Variants in TBXAS1 observed in about 807,000 individuals in gnomAD.
TBXAS1 encodes thromboxane-A synthase.
A neutral mutation model predicts 60.7 loss-of-function variants in TBXAS1; 48 were observed. The observed-to-expected ratio is 0.79, with a 90% CI of 0.63 to 1.01. The LOEUF (loss-of-function observed/expected upper bound fraction) is 1.01. TBXAS1 is among the 50% of genes least tolerant of loss of function. TBXAS1 has a pLI of 0.00. For missense variants in TBXAS1, 685 were observed against 686.3 expected (o/e 1.00, Z 0.02); for synonymous variants, 287 against 269.7 (o/e 1.06, Z -0.63).
intron 4 of TBXAS1, among the ~76,000 whole-genome samples, chr7:139,800,316 C>T (rs922842420): frequency 1.3e-5 from 2 of 152,154 alleles, no homozygotes; most frequent in African/African-American, 4.8e-5. Context: ...TATCCTCTCC[C>T]TCCCTCCTCG....
At chr7:139,950,820 CGGG>C in intron 5 of TBXAS1, among the ~76,000 whole-genome samples, 1 of 62,234 alleles carries the variant, frequency 1.6e-5, no homozygotes, top group Non-Finnish European at 3.3e-5. Context: ...CTTCCATCTA[CGGG>C]ACCCCCTCGC....
intron 1 of TBXAS1, among the ~76,000 whole-genome samples, chr7:139,870,620 G>A (rs540970169): frequency 2.4e-4 from 36 of 152,326 alleles, no homozygotes; most frequent in African/African-American, 8.2e-4. Context: ...GCGTTCACGT[G>A]TGGCTCTTGA....
intron 9 of TBXAS1, among the ~76,000 whole-genome samples, chr7:139,970,134 A>C (rs1384054608): frequency 2.0e-5 from 3 of 152,146 alleles, no homozygotes; most frequent in Non-Finnish European, 4.4e-5. Flanking sequence ...TATGAGACGG[A>C]GTCTCACTGT....
intron 1 of TBXAS1, among the ~76,000 whole-genome samples, chr7:139,863,845 GATAA>G (rs1210726645): frequency 1.3e-5 from 2 of 152,070 alleles, no homozygotes; most frequent in African/African-American, 4.8e-5. Flanking sequence ...GCTTTCAAAA[GATAA>G]ATAAAATAGA....
intron 4 of TBXAS1, among the ~76,000 whole-genome samples, chr7:139,791,284 G>C (rs1797373435): frequency 6.6e-6 from 1 of 152,240 alleles, no homozygotes; most frequent in Admixed American, 6.5e-5. Flanking sequence ...GGTTTAGTGA[G>C]TGGCCTTCCA....
chr7:139,859,308 A>G (rs1800808461), intron 1 of TBXAS1, among the ~76,000 whole-genome samples: 1 of 148,230 alleles, frequency 6.7e-6, no homozygotes, highest in Non-Finnish European at 1.5e-5. Context: ...CCGGGTTCAC[A>G]CCATTCTTCT....
At chr7:139,877,107 AG>A (rs1802296115) in intron 3 of TBXAS1, among the ~76,000 whole-genome samples, 2 of 152,346 alleles carry the variant, frequency 1.3e-5, no homozygotes, top group African/African-American at 4.8e-5. Context: ...AGATGTGGGC[AG>A]GAGGGCACTG....
intron 3 of TBXAS1, among the ~76,000 whole-genome samples, chr7:139,888,247 G>A (rs1333850621): frequency 6.6e-6 from 1 of 152,114 alleles, no homozygotes; most frequent in Non-Finnish European, 1.5e-5. Context: ...TACAATTTAT[G>A]TGTCTGCCTT....
chr7:139,874,375 T>TG (rs1802059901), intron 2 of TBXAS1, among the ~76,000 whole-genome samples: 1 of 152,190 alleles, frequency 6.6e-6, no homozygotes. Context: ...GCTGTCGACA[T>TG]GAGGAGAACG....
chr7:139,860,894 C>A (rs1800910922), intron 1 of TBXAS1, among the ~76,000 whole-genome samples: 1 of 152,220 alleles, frequency 6.6e-6, no homozygotes, highest in Admixed American at 6.5e-5. Context: ...TCCTTCGCAG[C>A]CGGGGGCGGT....
chr7:139,909,140 A>G (rs1805323173), intron 3 of TBXAS1, among the ~76,000 whole-genome samples: 1 of 152,160 alleles, frequency 6.6e-6, no homozygotes, highest in Non-Finnish European at 1.5e-5. Flanking sequence ...ACTATGAGGT[A>G]TCTTGGCATG....
chr7:139,881,141 T>C (rs1240665051), intron 3 of TBXAS1, among the ~76,000 whole-genome samples: 2 of 152,246 alleles, frequency 1.3e-5, no homozygotes, highest in Non-Finnish European at 2.9e-5. Context: ...CCCACTTTAT[T>C]TGTAGAAGCT....
chr7:139,967,158 C>G (rs1810855040), intron 9 of TBXAS1, among the ~76,000 whole-genome samples: 1 of 152,240 alleles, frequency 6.6e-6, no homozygotes, highest in Admixed American at 6.5e-5. Context: ...CATGCCTTCC[C>G]CAGTGTCCGC....
rs547691074 is a variant in TBXAS1, at chr7:139,955,556, T to C, written c.637T>C (p.Cys213Arg). ...QAPEDPFVKH[C>R]KRFFEFCIPR... Reference sequence around the variant, plus strand: ...CCCTGAGGATCCCTTTGTGAAACACTGCAAGCGTTTCTTCGAATTCTGCAT... The same window carrying C: ...CCCTGAGGATCCCTTTGTGAAACACCGCAAGCGTTTCTTCGAATTCTGCAT... The change falls in exon 7 of 13, where the codon TGC becomes CGC. Residue 213 changes from cysteine to arginine, a missense_variant. Physicochemically the swap from Cys to Arg is radical, Grantham distance 180 (BLOSUM62 -3). Transcript: ENST00000448866. The C allele has an allele frequency of 8.1e-6, 13 of 1,614,100 alleles. No homozygotes were observed. The highest frequency in any genetic ancestry group is 3.3e-5 in the Admixed American group (2 of 60,012).
intron 3 of TBXAS1, among the ~76,000 whole-genome samples, chr7:139,890,549 T>C (rs1176134961): frequency 6.6e-6 from 1 of 151,970 alleles, no homozygotes; most frequent in African/African-American, 2.4e-5. Flanking sequence ...AGAACATTTT[T>C]CCCCCCAGAG....
rs371742163 is a variant in TBXAS1, at chr7:139,938,387, G to A, written c.450+2080G>A. Among the ~76,000 whole-genome samples, 5 of 152,314 alleles carry A rather than the reference G, an allele frequency of 3.3e-5. No homozygotes were observed. In the East Asian group the frequency reaches 9.6e-4, roughly 29 times the overall value. ...AGGATATTTTTTTCAGGCTCCCCAG[G>A]TGATTGTCACGTAAAGCCAGTATTG... On this transcript the variant is annotated intron_variant, in intron 5 of 12. Coordinates refer to ENST00000448866, the MANE Select transcript of TBXAS1 (RefSeq NM_001061.7).
intron 4 of TBXAS1, among the ~76,000 whole-genome samples, chr7:139,812,990 G>T (rs1373204498): frequency 6.6e-6 from 1 of 151,970 alleles, no homozygotes; most frequent in African/African-American, 2.4e-5. Context: ...CGGGGTGGCG[G>T]AGGTTGCAGT....
At chr7:140,017,339 T>C (rs1815159455) in intron 11 of TBXAS1, among the ~76,000 whole-genome samples, 1 of 152,106 alleles carries the variant, frequency 6.6e-6, no homozygotes. Context: ...CACCAAACCC[T>C]GGGGTTCAGG....
chr7:139,830,827 A>G (rs983381032), intron 1 of TBXAS1, among the ~76,000 whole-genome samples: 3 of 152,120 alleles, frequency 2.0e-5, no homozygotes, highest in African/African-American at 7.2e-5. Flanking sequence ...GCTTATTCAT[A>G]TTAATCTCAT....
Sources: gnomAD v4.1 joint callset for allele counts (sites outside exome capture counted in the v4.1 genomes callset) on GRCh38, gnomAD v4.1.1 for gene constraint, MANE v1.5 for transcripts, NCBI Gene and HGNC (gene_info 2026-07-23, HGNC 2026-07-21) for gene names.